Variants in KPNB1 observed in about 807,000 individuals in gnomAD.
KPNB1 encodes importin subunit beta-1.
KPNB1 carries 7 observed loss-of-function variants against 113.0 expected under a neutral mutation model. The ratio of observed to expected loss-of-function variants is 0.06; its 90% CI spans 0.04 to 0.12. KPNB1 has a LOEUF of 0.12. Among genes scored for constraint, KPNB1 ranks in the 10% least tolerant of loss-of-function variants. The probability of loss-of-function intolerance (pLI) is 1.00; values close to 1 mark genes in which losing one functional copy is unlikely to be tolerated. For missense variants in KPNB1, 400 were observed against 1,054.8 expected (o/e 0.38, Z 8.60); for synonymous variants, 363 against 378.6 (o/e 0.96, Z 0.48).
intron 9 of KPNB1, among the ~76,000 whole-genome samples, chr17:47,666,023 T>G (rs2030255551): frequency 6.6e-6 from 1 of 152,076 alleles, no homozygotes; most frequent in South Asian, 2.1e-4. Flanking sequence ...AATTTTCATC[T>G]CTCCTCTCAG....
At chr17:47,655,139 G>T (rs1915683337) in intron 3 of KPNB1, among the ~76,000 whole-genome samples, 1 of 152,190 alleles carries the variant, frequency 6.6e-6, no homozygotes, top group East Asian at 1.9e-4. Flanking sequence ...GCTATTCTTT[G>T]TCCCGTGTTC....
intron 12 of KPNB1, among the ~76,000 whole-genome samples, chr17:47,672,196 G>A (rs1040569650): frequency 5.9e-5 from 9 of 152,002 alleles, no homozygotes; most frequent in African/African-American, 2.2e-4. Context: ...AGTAGAGATG[G>A]GGTTTCGCCA....
At position 47,673,007 on chromosome 17, in the gene KPNB1, G is replaced by A. The variant is rs761591480; in HGVS notation, c.1548-11G>A. The A allele has an allele frequency of 2.5e-6, 4 of 1,609,728 alleles. No homozygotes were observed. The Admixed American group carries it at 6.8e-5, about 27-fold the overall frequency. The stretch of plus-strand genomic sequence containing the variant: ...TTTGAGGCTTTAAGATTTTCGCTGT[G>A]TTCTTTACAGACCTGATGGACACCA... On this transcript the variant is annotated splice_polypyrimidine_tract_variant and intron_variant, in intron 12 of 21. Transcript: ENST00000290158.
intron 3 of KPNB1, among the ~76,000 whole-genome samples, chr17:47,653,795 T>A (rs561366193): frequency 6.6e-6 from 1 of 152,214 alleles, no homozygotes; most frequent in African/African-American, 2.4e-5. Flanking sequence ...GTTGTGTACC[T>A]CCTTCTGTCA....
intron 4 of KPNB1, 148 bp downstream of exon 4, chr17:47,657,208 G>C (rs2143101041): frequency 2.9e-6 from 2 of 691,742 alleles, no homozygotes; most frequent in South Asian, 3.6e-5. Flanking sequence ...ATTTCCCTTA[G>C]GCCTGTGTCT....
Position 47,682,785 on chromosome 17 carries a change from G to A in KPNB1, c.*381G>A, listed in dbSNP as rs373333049. ...ATGCCTGGTTTGGGGGAGGAGGAGGGACTGGGTTCAGCTGTGGTGCTTTGT... is the reference window on the plus strand; with the variant it reads ...ATGCCTGGTTTGGGGGAGGAGGAGGAACTGGGTTCAGCTGTGGTGCTTTGT... On this transcript the variant is annotated 3_prime_UTR_variant, in exon 22 of 22. Transcript: ENST00000290158. 61 of 269,236 alleles carry A rather than the reference G, an allele frequency of 2.3e-4. 1 individual carries two copies. In the East Asian group the frequency reaches 2.7e-3, roughly 12 times the overall value. 16.7% of individuals were successfully genotyped at this position (269,236 alleles called of 1,614,324 possible).
At chr17:47,653,511 G>C (rs1418081073) in intron 3 of KPNB1, among the ~76,000 whole-genome samples, 2 of 152,074 alleles carry the variant, frequency 1.3e-5, no homozygotes, top group Admixed American at 1.3e-4. Flanking sequence ...CAAAGTGCTG[G>C]GATTACAGGA....
At chr17:47,655,228 G>A (rs1182158664) in intron 3 of KPNB1, among the ~76,000 whole-genome samples, 2 of 152,150 alleles carry the variant, frequency 1.3e-5, no homozygotes, top group East Asian at 3.9e-4. Context: ...AGCTGATCAC[G>A]GTAATAATTA....
intron 11 of KPNB1, 114 bp from the exon 12 acceptor site, chr17:47,670,588 G>T: frequency 9.5e-7 from 1 of 1,053,276 alleles, no homozygotes; most frequent in Non-Finnish European, 1.4e-6. Context: ...AGATGACCTT[G>T]GCAGAAAAAG....
In KPNB1 at chr17:47,663,107, C is replaced by A; in HGVS notation, c.715C>A (p.Gln239Lys). Residue 239 changes from glutamine (Q) to lysine (K), a missense_variant, in exon 7 of 22, where the codon CAG becomes AAG. By Grantham distance (53) the Gln-to-Lys change is moderately conservative. Around this residue, in one of 2 missense-constraint regions of KPNB1, gnomAD observed 285 missense variants for 627.0 expected, o/e 0.45. Coordinates refer to ENST00000290158, the MANE Select transcript of KPNB1 (RefSeq NM_002265.6). ...ATAAAAGGTACGAGTGGCTGCTTTA[C>A]AGAATCTGGTGAAGATAATGTCCTT... ...PDTRVRVAALQNLVKIMSLYY... is the reference protein window; with the variant it reads ...PDTRVRVAALKNLVKIMSLYY... The A allele has an allele frequency of 6.3e-7, 1 of 1,594,674 alleles. No homozygotes were observed. Among genetic ancestry groups the A allele is most frequent in the Non-Finnish European group, 8.6e-7 (1 of 1,162,410 alleles).
In KPNB1 at chr17:47,683,506, G is replaced by A. The variant is rs1377575311; in HGVS notation, c.*1102G>A. 2.0e-5 allele frequency: 3 copies of A among 152,444 alleles called. No homozygotes were observed. The highest frequency in any genetic ancestry group is 2.9e-5 in the Non-Finnish European group (2 of 67,996). 9.4% of individuals were successfully genotyped at this position (152,444 alleles called of 1,614,324 possible). ...CGCCCCCAGAAAATTGTGCCAAAGA[G>A]TTTAGAAAAATAAATATACAATAAA... On this transcript the variant is annotated 3_prime_UTR_variant, in exon 22 of 22. Transcript: ENST00000290158.
chr17:47,676,315 G>T, intron 15 of KPNB1, 94 bp from the exon 16 acceptor site: 1 of 860,070 alleles, frequency 1.2e-6, no homozygotes, highest in East Asian at 2.4e-5. Flanking sequence ...TGAGTGGAGC[G>T]AGTACATTTT....
chr17:47,669,611 T>C, intron 10 of KPNB1, 67 bp from the exon 11 acceptor site: 1 of 1,199,876 alleles, frequency 8.3e-7, no homozygotes, highest in Non-Finnish European at 1.2e-6. Flanking sequence ...TATTTCTTTC[T>C]CTGGGGTAGT....
At chr17:47,662,672 A>G (rs1404241649) in intron 6 of KPNB1, among the ~76,000 whole-genome samples, 1 of 152,052 alleles carries the variant, frequency 6.6e-6, no homozygotes, top group Non-Finnish European at 1.5e-5. Context: ...GTCTGAGCTC[A>G]GGAGTTCGAG....
Position 47,665,041 on chromosome 17 carries a change from CT to C in KPNB1, c.898-13del, listed in dbSNP as rs1398753632. The C allele has an allele frequency of 6.2e-7, 1 of 1,612,262 alleles. No individual in the cohort carries two copies. ...CTCGGTTGCTTTTGTCTAGAATTTGCTTTGTTTCTCCTCAGGCAGCAGAACA... is the reference window on the plus strand; with the variant it reads ...CTCGGTTGCTTTTGTCTAGAATTTGCTTGTTTCTCCTCAGGCAGCAGAACA... On this transcript the variant is annotated splice_polypyrimidine_tract_variant and intron_variant, in intron 8 of 21. Coordinates refer to ENST00000290158, the MANE Select transcript of KPNB1 (RefSeq NM_002265.6).
At chr17:47,670,057 A>G (rs1196922192) in intron 11 of KPNB1, among the ~76,000 whole-genome samples, 188 bp downstream of exon 11, 1 of 152,232 alleles carries the variant, frequency 6.6e-6, no homozygotes, top group East Asian at 1.9e-4. Context: ...ACTTATGGTT[A>G]CTGGTTCCTG....
chr17:47,651,171 A>G, intron 2 of KPNB1: 1 of 979,516 alleles, frequency 1.0e-6, no homozygotes, highest in Non-Finnish European at 1.2e-6. Flanking sequence ...CACAGGGGAA[A>G]GTTCCTCGTT....
chr17:47,661,947 C>T (rs1436526167), intron 6 of KPNB1, among the ~76,000 whole-genome samples: 1 of 152,110 alleles, frequency 6.6e-6, no homozygotes, highest in Non-Finnish European at 1.5e-5. Flanking sequence ...TACTTTATTG[C>T]CATAGGTTAT....
intron 3 of KPNB1, 26 bp from the exon 4 acceptor site, chr17:47,656,834 A>G (rs1188768549): frequency 1.3e-6 from 2 of 1,572,920 alleles, no homozygotes; most frequent in Admixed American, 1.8e-5. Context: ...AGAAATTTGT[A>G]TCTTTTGTCT....
Sources: gnomAD v4.1 joint callset for allele counts (sites outside exome capture counted in the v4.1 genomes callset) on GRCh38, gnomAD v4.1.1 for gene constraint, gnomAD v4.1.1 regional missense constraint, MANE v1.5 for transcripts, NCBI Gene and HGNC (gene_info 2026-07-23, HGNC 2026-07-21) for gene names.